The following ADGRB1 variants were observed in gnomAD, a reference collection of about 807,000 sequenced individuals.
ADGRB1 encodes brain-specific angiogenesis inhibitor 1.
ADGRB1 carries 36 observed loss-of-function variants against 175.7 expected under a neutral mutation model. The observed-to-expected ratio is 0.20, with a 90% CI of 0.16 to 0.27. The LOEUF is 0.27. Ranked by LOEUF, ADGRB1 falls within the 10% of genes least tolerant of loss-of-function variation. The pLI is 1.00. For missense variants in ADGRB1, 1,731 were observed against 2,255.3 expected (o/e 0.77, Z 4.71); for synonymous variants, 1,054 against 979.4 (o/e 1.08, Z -1.42).
At chr8:142,450,778 G>T (rs1214688671) in intron 1 of ADGRB1, among the ~76,000 whole-genome samples, 1 of 152,110 alleles carries the variant, frequency 6.6e-6, no homozygotes, top group Non-Finnish European at 1.5e-5. Context: ...CCCCCACTTC[G>T]GGCGGAGGGC....
Position 142,522,647 on chromosome 8 carries a change from C to T in ADGRB1, c.3182C>T (p.Pro1061Leu). ...CTCTCTGCTCCTTCTCCAGGGCTCC[C>T]TGCACTGGTTGTGGCCATTTCTGTG... ...KRFLCLGWGLPALVVAISVGF... is the reference protein window; with the variant it reads ...KRFLCLGWGLLALVVAISVGF... Residue 1061 changes from proline (P) to leucine (L), a missense_variant, in exon 22 of 31, where the codon CCT (proline) becomes CTT (leucine). This residue lies in a region of ADGRB1 where 301 missense variants were observed against 488.4 expected (regional missense o/e 0.62). Coordinates refer to ENST00000517894, the MANE Select transcript of ADGRB1 (RefSeq NM_001702.3). 6.4e-7 allele frequency: 1 copy of T among 1,560,992 alleles called. No individual in the cohort carries two copies. Among genetic ancestry groups the T allele is most frequent in the South Asian group, 1.2e-5 (1 of 83,966 alleles).
At chr8:142,476,085 A>G (rs993996781) in intron 3 of ADGRB1, among the ~76,000 whole-genome samples, 2 of 152,232 alleles carry the variant, frequency 1.3e-5, no homozygotes, top group African/African-American at 4.8e-5. Flanking sequence ...CCAGCCGGAT[A>G]CTGCCTCCAG....
intron 1 of ADGRB1, among the ~76,000 whole-genome samples, chr8:142,459,722 G>A (rs568551710): frequency 3.3e-5 from 5 of 152,302 alleles, no homozygotes; most frequent in African/African-American, 7.2e-5. Context: ...AGGCACACAC[G>A]TATGCACACA....
chr8:142,455,289 T>A lies in ADGRB1; in HGVS notation c.-220+5185T>A, dbSNP rs1224970419. Among the ~76,000 whole-genome samples, 1 of 151,214 alleles carries A rather than the reference T, an allele frequency of 6.6e-6. No homozygotes were observed. The highest frequency in any genetic ancestry group is 1.9e-4 in the East Asian group (1 of 5,146). On this transcript the variant is annotated intron_variant, in intron 1 of 30. Transcript: ENST00000517894. This position sits in a 1 kb window ranked among gnomAD's most constrained non-coding sequence, Gnocchi z 4.9. The stretch of plus-strand genomic sequence containing the variant: ...CACCTGGACACCCCTCACAGCCACC[T>A]CCCTCAGCATGATCGCTGTCACCTT...
intron 16 of ADGRB1, among the ~76,000 whole-genome samples, chr8:142,489,911 G>A (rs1841905720): frequency 6.6e-6 from 1 of 152,210 alleles, no homozygotes; most frequent in South Asian, 2.1e-4. Flanking sequence ...CAGCCTCCAG[G>A]CCACGGCTGC....
Position 142,535,711 on chromosome 8 carries a change from G to A in ADGRB1, c.3571-1276G>A, listed in dbSNP as rs1020315435. ...GCTGGCTCGGGTGTTCCTGGAGAGG[G>A]TACCAGAGGGACTTGGGGAGCCCCA... On this transcript the variant is annotated intron_variant, in intron 25 of 30. Transcript: ENST00000517894. 7.2e-5 allele frequency among the ~76,000 whole-genome samples: 11 copies of A among 152,306 alleles called. No homozygotes were observed. The East Asian group carries it at 2.1e-3, about 29-fold the overall frequency.
chr8:142,450,494 C>T (rs1251925685), intron 1 of ADGRB1, among the ~76,000 whole-genome samples: 1 of 152,154 alleles, frequency 6.6e-6, no homozygotes. Context: ...CCAGCACACA[C>T]AGACGCTGGC....
Position 142,490,193 on chromosome 8 carries a change from C to T in ADGRB1, c.2632-579C>T, listed in dbSNP as rs546104131. 1.2e-4 allele frequency among the ~76,000 whole-genome samples: 18 copies of T among 152,306 alleles called. 1 individual carries two copies. In the South Asian group the frequency reaches 3.7e-3, roughly 32 times the overall value. ...GTTCAGCCTCTCCGTGCCATGGTTC[C>T]CTCCCTTATCAAGTGGGAACAATAG... On this transcript the variant is annotated intron_variant, in intron 16 of 30. Transcript: ENST00000517894.
At chr8:142,529,482 C>G (rs1286384099) in intron 24 of ADGRB1, among the ~76,000 whole-genome samples, 1 of 152,184 alleles carries the variant, frequency 6.6e-6, no homozygotes, top group Admixed American at 6.5e-5. Flanking sequence ...AGTGCCACCT[C>G]TGATGCCACA....
chr8:142,527,470 C>T (rs1468544543), intron 24 of ADGRB1, among the ~76,000 whole-genome samples: 4 of 152,130 alleles, frequency 2.6e-5, no homozygotes, highest in Non-Finnish European at 5.9e-5. Flanking sequence ...GGAAGCCTTC[C>T]CCTTGGGTGC....
chr8:142,489,156 G>T, intron 15 of ADGRB1, 46 bp downstream of exon 15: 1 of 1,565,988 alleles, frequency 6.4e-7, no homozygotes. Flanking sequence ...GGGCAGGTGG[G>T]GTGGGCAGGA....
intron 1 of ADGRB1, among the ~76,000 whole-genome samples, chr8:142,460,852 A>G (rs1329655482): frequency 6.6e-6 from 1 of 151,958 alleles, no homozygotes; most frequent in Admixed American, 6.5e-5. Flanking sequence ...CCTGGCCCTC[A>G]TGCCACTCCC....
chr8:142,460,178 G>T (rs1839901491), intron 1 of ADGRB1, among the ~76,000 whole-genome samples: 1 of 152,264 alleles, frequency 6.6e-6, no homozygotes, highest in African/African-American at 2.4e-5. Flanking sequence ...CTCCGGGGTG[G>T]CCCCGTTGGA....
intron 27 of ADGRB1, among the ~76,000 whole-genome samples, chr8:142,540,554 G>A (rs950497897): frequency 1.2e-4 from 19 of 152,172 alleles, no homozygotes; most frequent in African/African-American, 4.1e-4. Context: ...GGGTGCCAGC[G>A]AGGGGCCTGG....
chr8:142,510,732 C>G lies in ADGRB1; in HGVS notation c.2676-200C>G, dbSNP rs1843050832. On this transcript the variant is annotated intron_variant, in intron 17 of 30. Coordinates refer to ENST00000517894, the MANE Select transcript of ADGRB1 (RefSeq NM_001702.3). This position sits in a 1 kb window ranked among gnomAD's most constrained non-coding sequence, Gnocchi z 6.3. ...GGCTCTCGGCGGCGGCGGCGGCGGG[C>G]GCAGAGCGCGGCATGGGCGCCCGGG... is the stretch of plus-strand genomic sequence containing the variant. Among the ~76,000 whole-genome samples, 1 of 144,014 alleles carries G rather than the reference C, an allele frequency of 6.9e-6. No homozygotes were observed. 94.5% of individuals were successfully genotyped at this position (144,014 alleles called of 152,430 possible).
chr8:142,457,294 G>T (rs1014061452), intron 1 of ADGRB1, among the ~76,000 whole-genome samples: 1 of 152,232 alleles, frequency 6.6e-6, no homozygotes, highest in African/African-American at 2.4e-5. Flanking sequence ...CTTGCCTTCT[G>T]CAGGTGGGGG....
intron 17 of ADGRB1, among the ~76,000 whole-genome samples, chr8:142,503,920 C>T (rs964532399): frequency 6.6e-6 from 1 of 152,158 alleles, no homozygotes; most frequent in Non-Finnish European, 1.5e-5. Flanking sequence ...ATGAGAAGCC[C>T]TGGAGGCCCT....
chr8:142,475,605 G>A lies in ADGRB1; in HGVS notation c.916G>A (p.Gly306Ser), dbSNP rs1419970069. The A allele has an allele frequency of 8.1e-7, 1 of 1,238,080 alleles. No individual in the cohort carries two copies. 76.7% of individuals were successfully genotyped at this position (1,238,080 alleles called of 1,614,324 possible). A position where few individuals can be genotyped will look rare whatever the true frequency, so the allele number is the denominator to read the frequency against. Residue 306 changes from glycine to serine, a missense_variant, in exon 3 of 31, where the codon GGT (glycine) becomes AGT (serine). Gly to Ser is a moderately conservative substitution (Grantham distance 56). Around this residue, in one of 8 missense-constraint regions of ADGRB1, gnomAD observed 178 missense variants for 227.8 expected, o/e 0.78. Transcript: ENST00000517894. ...CGGCTGCGAGGGGGTGCTGGAGGAGGGTCGCCAGTGCAACCGCGAGGCCTG... is the reference window on the plus strand; with the variant it reads ...CGGCTGCGAGGGGGTGCTGGAGGAGAGTCGCCAGTGCAACCGCGAGGCCTG... ...GGGCEGVLEE[G>S]RQCNREACGP... is the part of the protein sequence containing the mutation.
intron 18 of ADGRB1, among the ~76,000 whole-genome samples, chr8:142,517,283 G>A (rs879516034): frequency 1.2e-4 from 19 of 152,174 alleles, no homozygotes; most frequent in Non-Finnish European, 2.4e-4. Context: ...CCCTAGGAAG[G>A]GGCAGTCACC....
Sources: gnomAD v4.1 joint callset for allele counts (sites outside exome capture counted in the v4.1 genomes callset) on GRCh38, gnomAD v4.1.1 for gene constraint, gnomAD v4.1.1 regional missense constraint, Gnocchi (gnomAD v3.1) non-coding constraint, MANE v1.5 for transcripts, NCBI Gene and HGNC (gene_info 2026-07-23, HGNC 2026-07-21) for gene names.